SGCD: variants seen among roughly 807,000 people sequenced by gnomAD.
SGCD encodes the protein delta-sarcoglycan.
Under a neutral mutation model 36.6 loss-of-function variants are expected in SGCD, and 18 were observed. That is an observed-to-expected ratio of 0.49 (90% confidence interval 0.34 to 0.73). The LOEUF is 0.73. SGCD is among the 30% of genes least tolerant of loss of function. SGCD has a pLI of 0.01. For synonymous variants in SGCD, 133 were observed against 130.6 expected (o/e 1.02, Z -0.12); for missense variants, 387 against 346.7 (o/e 1.12, Z -0.92).
chr5:155,930,759 A>G (rs1437008571), intron 1 of SGCD, among the ~76,000 whole-genome samples: 1 of 152,200 alleles, frequency 6.6e-6, no homozygotes, highest in East Asian at 1.9e-4. Context: ...GTTCTTTCCA[A>G]TTAAAATATT....
chr5:156,140,714 A>G (rs1381162939), intron 3 of SGCD, among the ~76,000 whole-genome samples: 1 of 152,204 alleles, frequency 6.6e-6, no homozygotes, highest in Non-Finnish European at 1.5e-5. Context: ...CAGAACATAA[A>G]AATTTGGAAA....
intron 1 of SGCD, among the ~76,000 whole-genome samples, chr5:156,070,101 TCCTAATTGGATAC>T (rs1760494697): frequency 6.7e-6 from 1 of 149,832 alleles, no homozygotes; most frequent in Non-Finnish European, 1.5e-5. Context: ...CTTCCTCTTT[TCCTAATTGGATAC>T]CCTTTATTTC....
intron 3 of SGCD, among the ~76,000 whole-genome samples, chr5:156,284,944 C>A (rs887351069): frequency 5.3e-5 from 8 of 152,176 alleles, no homozygotes; most frequent in Non-Finnish European, 1.2e-4. Context: ...AGCCCAAAAT[C>A]TCTTTAAGCT....
At chr5:155,950,440 G>A (rs1193361567) in intron 1 of SGCD, among the ~76,000 whole-genome samples, 1 of 152,140 alleles carries the variant, frequency 6.6e-6, no homozygotes, top group Non-Finnish European at 1.5e-5. Context: ...TACACTGATT[G>A]GCTCAGAAGC....
intron 3 of SGCD, among the ~76,000 whole-genome samples, chr5:156,470,442 A>G (rs1754905790): frequency 6.6e-6 from 1 of 151,922 alleles, no homozygotes; most frequent in Non-Finnish European, 1.5e-5. Flanking sequence ...TGCTGCACCC[A>G]CTAACTCGTC....
chr5:156,073,404 C>T (rs778585040), intron 1 of SGCD, among the ~76,000 whole-genome samples: 2 of 151,836 alleles, frequency 1.3e-5, no homozygotes, highest in Non-Finnish European at 2.9e-5. Context: ...CAAAAATTGG[C>T]CAAAAAAAGT....
chr5:156,078,564 T>C (rs1025552773), intron 1 of SGCD, among the ~76,000 whole-genome samples: 2 of 100,718 alleles, frequency 2.0e-5, no homozygotes, highest in African/African-American at 1.7e-4. Flanking sequence ...TTTATATTTA[T>C]ATATATATTT....
intron 3 of SGCD, among the ~76,000 whole-genome samples, chr5:156,422,924 T>A (rs1773385401): frequency 6.6e-6 from 1 of 151,552 alleles, no homozygotes; most frequent in African/African-American, 2.4e-5. Flanking sequence ...AGGAAATTTA[T>A]CCTTTATTAA....
chr5:156,452,898 A>G (rs1352934028), intron 3 of SGCD, among the ~76,000 whole-genome samples: 4 of 152,192 alleles, frequency 2.6e-5, no homozygotes, highest in African/African-American at 9.6e-5. Context: ...AATTAATAGG[A>G]ATTTCCATAA....
intron 1 of SGCD, among the ~76,000 whole-genome samples, chr5:156,073,520 G>A (rs962916144): frequency 2.6e-5 from 4 of 152,146 alleles, no homozygotes; most frequent in African/African-American, 9.7e-5. Context: ...CTGTGGTTAT[G>A]CCACTGCACT....
chr5:156,095,046 C>T (rs1183731891), intron 1 of SGCD, among the ~76,000 whole-genome samples: 1 of 152,108 alleles, frequency 6.6e-6, no homozygotes, highest in East Asian at 1.9e-4. Flanking sequence ...GGTTTCTGCA[C>T]TTGTACTGTC....
intron 3 of SGCD, among the ~76,000 whole-genome samples, chr5:156,321,242 A>G (rs1767655804): frequency 6.6e-6 from 1 of 152,046 alleles, no homozygotes; most frequent in Admixed American, 6.5e-5. Flanking sequence ...ACATGGTGAA[A>G]CCCCATCTCT....
intron 7 of SGCD, among the ~76,000 whole-genome samples, chr5:156,738,896 T>C (rs1249903487): frequency 4.6e-5 from 7 of 152,332 alleles, no homozygotes; most frequent in Non-Finnish European, 1.5e-5. Context: ...AGGTGAAACA[T>C]CCAGCAGACA....
At chr5:156,483,596 A>G (rs1013114166) in intron 3 of SGCD, among the ~76,000 whole-genome samples, 2 of 152,200 alleles carry the variant, frequency 1.3e-5, no homozygotes, top group Non-Finnish European at 2.9e-5. Flanking sequence ...GGAGTCAACC[A>G]TGGGGTGCAT....
intron 7 of SGCD, among the ~76,000 whole-genome samples, chr5:156,737,340 C>G (rs1319896109): frequency 1.3e-5 from 2 of 152,098 alleles, no homozygotes; most frequent in Non-Finnish European, 2.9e-5. Flanking sequence ...GCTGAGTTAC[C>G]TTAGGCTTAA....
chr5:156,532,169 G>A (rs1757916715), intron 4 of SGCD, among the ~76,000 whole-genome samples: 1 of 152,258 alleles, frequency 6.6e-6, no homozygotes, highest in African/African-American at 2.4e-5. Flanking sequence ...TGAGATACTA[G>A]CAAATTGCTA....
intron 3 of SGCD, among the ~76,000 whole-genome samples, chr5:156,206,598 G>A (rs1254229461): frequency 6.6e-6 from 1 of 152,068 alleles, no homozygotes; most frequent in African/African-American, 2.4e-5. Context: ...CAAGACCAGT[G>A]TGGTTAAATG....
intron 3 of SGCD, among the ~76,000 whole-genome samples, chr5:156,141,769 T>A (rs756008100): frequency 6.6e-6 from 1 of 152,206 alleles, no homozygotes; most frequent in South Asian, 2.1e-4. Flanking sequence ...CCCTGTTGCA[T>A]TGTCTTCAAT....
At chr5:156,116,490 CT>C (rs1402971120) in intron 1 of SGCD, among the ~76,000 whole-genome samples, 3 of 152,130 alleles carry the variant, frequency 2.0e-5, no homozygotes, top group Non-Finnish European at 4.4e-5. Context: ...GGAATATTAA[CT>C]CTTTGCTCTT....
Sources: gnomAD v4.1 joint callset for allele counts (sites outside exome capture counted in the v4.1 genomes callset) on GRCh38, gnomAD v4.1.1 for gene constraint, MANE v1.5 for transcripts, NCBI Gene and HGNC (gene_info 2026-07-23, HGNC 2026-07-21) for gene names.